LIN9: variants seen among roughly 807,000 people sequenced by gnomAD.
LIN9 encodes the protein lin-9 DREAM MuvB core complex component.
LIN9 carries 18 observed loss-of-function variants against 78.0 expected under a neutral mutation model. The observed-to-expected ratio is 0.23, with a 90% CI of 0.16 to 0.34. The LOEUF is 0.34. LIN9 is among the 10% of genes least tolerant of loss of function. The pLI is 1.00. For missense variants in LIN9, 451 were observed against 644.1 expected (o/e 0.70, Z 3.25); for synonymous variants, 192 against 215.2 (o/e 0.89, Z 0.94).
At chr1:226,250,170 G>GAA (rs541631137) in intron 11 of LIN9, among the ~76,000 whole-genome samples, 3 of 92,872 alleles carry the variant, frequency 3.2e-5, no homozygotes, top group African/African-American at 1.2e-4. Flanking sequence ...TTCCATCTCA[G>GAA]AAAAAAAAAA....
chr1:226,231,980 A>G lies in LIN9; in HGVS notation c.*521T>C, dbSNP rs990413574. On this transcript the variant is annotated 3_prime_UTR_variant, in exon 15 of 15. Coordinates refer to ENST00000681046, the MANE Select transcript of LIN9 (RefSeq NM_001366245.2). ...TGTAAAGTCCACATTTCCCATCTAT[A>G]TTTCAGTGGTTTCCTTAAAACTAGG... 2 of 395,880 alleles carry G rather than the reference A, an allele frequency of 5.1e-6. No individual in the cohort carries two copies. The highest frequency in any genetic ancestry group is 4.1e-5 in the African/African-American group (2 of 48,556). The allele number at this position is 395,880 out of a possible 1,614,324, so 24.5% of individuals were successfully genotyped here.
chr1:226,299,797 G>T (rs1164671636), intron 2 of LIN9, among the ~76,000 whole-genome samples: 1 of 152,064 alleles, frequency 6.6e-6, no homozygotes, highest in Non-Finnish European at 1.5e-5. Flanking sequence ...TGTTAAAAAG[G>T]TTAGTCTAAT....
At chr1:226,236,363 C>T (rs1311463351) in intron 12 of LIN9, among the ~76,000 whole-genome samples, 1 of 151,642 alleles carries the variant, frequency 6.6e-6, no homozygotes, top group Non-Finnish European at 1.5e-5. Context: ...GGGTAATCAC[C>T]ATCCTGACTT....
At chr1:226,273,726 G>A (rs1660450365) in intron 7 of LIN9, among the ~76,000 whole-genome samples, 1 of 152,058 alleles carries the variant, frequency 6.6e-6, no homozygotes, top group Non-Finnish European at 1.5e-5. Context: ...GAAACTCAGA[G>A]GTAGAGCCCA....
Position 226,239,079 on chromosome 1 carries a change from G to A in LIN9, c.1137C>T (p.Pro379=), listed in dbSNP as rs1657929562. The A allele has an allele frequency of 6.2e-7, 1 of 1,613,330 alleles. No individual in the cohort carries two copies. Among genetic ancestry groups the A allele is most frequent in the Non-Finnish European group, 8.5e-7 (1 of 1,179,766 alleles). Residue 379 remains proline (P), a synonymous_variant, in exon 12 of 15, where the codon CCC becomes CCT. Coordinates refer to ENST00000681046, the MANE Select transcript of LIN9 (RefSeq NM_001366245.2). ...EAEKLKSYSM[P]ISIEFQRRYA... is the part of the protein sequence containing the mutation. ...ATCTCCGCTGAAATTCAATGCTGAT[G>A]GGCATGGAATATGATTTCTGAGAAG...
intron 11 of LIN9, among the ~76,000 whole-genome samples, chr1:226,244,984 A>AT (rs1491010858): frequency 2.6e-5 from 4 of 152,216 alleles, no homozygotes; most frequent in Non-Finnish European, 5.9e-5. Flanking sequence ...AAAGGCAAAC[A>AT]TAAGTGTAGA....
intron 11 of LIN9, among the ~76,000 whole-genome samples, chr1:226,241,885 T>C (rs562354249): frequency 4.0e-5 from 6 of 151,714 alleles, no homozygotes; most frequent in Admixed American, 1.3e-4. Flanking sequence ...GGGGGTGATG[T>C]AACTAATGAA....
In LIN9 at chr1:226,291,539, TCAAA is replaced by T. The variant is rs528506837; in HGVS notation, c.265-3746_265-3743del. Among the ~76,000 whole-genome samples the T allele has an allele frequency of 4.6e-5, 7 of 152,202 alleles. No individual in the cohort carries two copies. In the East Asian group the frequency reaches 9.6e-4, roughly 21 times the overall value. ...TATTTAAAAGGTTTCATAAGGATAA[TCAAA>T]CTAATTATAGTGGCTGCCACTGTAT... is the stretch of plus-strand genomic sequence containing the variant. On this transcript the variant is annotated intron_variant, in intron 4 of 14. Transcript: ENST00000681046.
chr1:226,300,151 T>A (rs187783012), intron 2 of LIN9, among the ~76,000 whole-genome samples: 111 of 152,210 alleles, frequency 7.3e-4, no homozygotes, highest in African/African-American at 2.6e-3. Context: ...TTAGCCAGGC[T>A]AATCACGAAC....
chr1:226,267,836 A>C, intron 8 of LIN9, 121 bp downstream of exon 8: 1 of 1,079,144 alleles, frequency 9.3e-7, no homozygotes, highest in South Asian at 1.8e-5. Context: ...GGGGTCCCCT[A>C]AGGATCTCTT....
chr1:226,277,216 GA>G (rs71168975), intron 7 of LIN9, among the ~76,000 whole-genome samples: 329 of 91,512 alleles, frequency 3.6e-3, no homozygotes, highest in African/African-American at 6.2e-3. Flanking sequence ...GTCTCAAAAA[GA>G]AAAAAAAAAA....
intron 4 of LIN9, among the ~76,000 whole-genome samples, chr1:226,292,800 T>C (rs900612097): frequency 1.3e-5 from 2 of 151,998 alleles, no homozygotes; most frequent in East Asian, 3.9e-4. Context: ...ACAAAGCTGG[T>C]TTTTTTTCTT....
chr1:226,289,552 G>A (rs1318202891), intron 4 of LIN9, among the ~76,000 whole-genome samples: 10 of 151,740 alleles, frequency 6.6e-5, no homozygotes, highest in East Asian at 3.9e-4. Context: ...TTGTGGAGAC[G>A]GGCTCTCGCT....
chr1:226,266,313 GTC>G lies in LIN9; in HGVS notation c.834_835del (p.Glu278AspfsTer36). Reference sequence around the variant, plus strand: ...TTGTCCAAAGGCAGCAATTGGCATTGTCTCATGAGGTTCATTACTCTGAGAAA... The same window carrying G: ...TTGTCCAAAGGCAGCAATTGGCATTGTCATGAGGTTCATTACTCTGAGAAA... On this transcript the variant is annotated frameshift_variant, in exon 9 of 15. Transcript: ENST00000681046. LOFTEE classifies it high-confidence loss of function. 6.3e-7 allele frequency: 1 copy of G among 1,598,472 alleles called. No homozygotes were observed. The highest frequency in any genetic ancestry group is 1.7e-4 in the Middle Eastern group (1 of 5,984).
At chr1:226,297,393 T>C (rs1662222669) in intron 3 of LIN9, among the ~76,000 whole-genome samples, 1 of 152,258 alleles carries the variant, frequency 6.6e-6, no homozygotes, top group Non-Finnish European at 1.5e-5. Context: ...TACAAGATTT[T>C]AATACCTTAC....
intron 11 of LIN9, among the ~76,000 whole-genome samples, chr1:226,244,930 A>G (rs1363855614): frequency 6.6e-6 from 1 of 152,188 alleles, no homozygotes; most frequent in African/African-American, 2.4e-5. Context: ...TCTAACCTTC[A>G]GATCTTGCAA....
chr1:226,309,633 G>T, upstream of LIN9: 1 of 1,273,214 alleles, frequency 7.9e-7, no homozygotes. Context: ...CACAGTTCCC[G>T]AAACCCACGT....
intron 10 of LIN9, among the ~76,000 whole-genome samples, chr1:226,259,149 G>A (rs544649664): frequency 1.3e-4 from 20 of 151,812 alleles, no homozygotes; most frequent in African/African-American, 3.9e-4. Context: ...TAGTAGAGAC[G>A]GGGTTTCACC....
chr1:226,260,801 C>T (rs928723474), intron 10 of LIN9, among the ~76,000 whole-genome samples: 2 of 151,836 alleles, frequency 1.3e-5, no homozygotes, highest in African/African-American at 2.4e-5. Flanking sequence ...CTGGCCACCA[C>T]GCCTGGCTAA....
Sources: gnomAD v4.1 joint callset for allele counts (sites outside exome capture counted in the v4.1 genomes callset) on GRCh38, gnomAD v4.1.1 for gene constraint, MANE v1.5 for transcripts, NCBI Gene and HGNC (gene_info 2026-07-23, HGNC 2026-07-21) for gene names.